The following SNX29 variants were observed in gnomAD, a reference collection of about 807,000 sequenced individuals.
SNX29 encodes sorting nexin 29, also known as sorting nexin-29.
A neutral mutation model predicts 102.1 loss-of-function variants in SNX29; 78 were observed. The observed-to-expected ratio is 0.76, with a 90% CI of 0.64 to 0.92. The LOEUF is 0.92. Ranked by LOEUF, SNX29 falls within the 40% of genes least tolerant of loss-of-function variation. The pLI, the probability that SNX29 is intolerant of heterozygous loss-of-function variation, is 0.00. For missense variants in SNX29, 1,280 were observed against 1,061.7 expected, an observed-to-expected ratio of 1.21 and a Z score of -2.86; for synonymous variants, 580 against 414.5, an observed-to-expected ratio of 1.40 and a Z score of -4.85.
chr16:11,996,667 C>T (rs2056085686), intron 1 of SNX29, among the ~76,000 whole-genome samples: 1 of 152,286 alleles, frequency 6.6e-6, no homozygotes, highest in Admixed American at 6.5e-5. Context: ...CGGGCTCACT[C>T]ATACTTGGAA....
chr16:12,283,721 G>C (rs2079506390), intron 15 of SNX29, among the ~76,000 whole-genome samples: 1 of 152,220 alleles, frequency 6.6e-6, no homozygotes, highest in African/African-American at 2.4e-5. Flanking sequence ...CGCAGTGCCT[G>C]TGTTTAGGGA....
At chr16:12,178,281 A>G (rs895540396) in intron 13 of SNX29, among the ~76,000 whole-genome samples, 12 of 152,008 alleles carry the variant, frequency 7.9e-5, no homozygotes, top group African/African-American at 2.9e-4. Context: ...TCCATTTGCT[A>G]TGATGTGGGG....
intron 15 of SNX29, among the ~76,000 whole-genome samples, chr16:12,308,568 G>A (rs1242045174): frequency 4.6e-5 from 7 of 152,102 alleles, no homozygotes; most frequent in Admixed American, 2.0e-4. Flanking sequence ...GCACTCCTCC[G>A]GAGTGCCTTC....
chr16:12,390,880 T>TAA (rs113993775), intron 16 of SNX29, among the ~76,000 whole-genome samples: 2 of 135,570 alleles, frequency 1.5e-5, no homozygotes. Context: ...GTTCAGTCTT[T>TAA]AAAAAAAAAA....
At chr16:12,031,682 A>G (rs1024825929) in intron 4 of SNX29, among the ~76,000 whole-genome samples, 8 of 151,832 alleles carry the variant, frequency 5.3e-5, no homozygotes, top group South Asian at 2.1e-4. Context: ...GCAGGTGCCT[A>G]TAGTCCCAGC....
chr16:12,562,047 T>G (rs1418351822), intron 20 of SNX29, among the ~76,000 whole-genome samples: 1 of 150,900 alleles, frequency 6.6e-6, no homozygotes, highest in African/African-American at 2.4e-5. Flanking sequence ...GATGGAATCA[T>G]CTGTGCCGTT....
intron 11 of SNX29, among the ~76,000 whole-genome samples, chr16:12,099,823 C>T (rs1026590291): frequency 6.6e-6 from 1 of 152,150 alleles, no homozygotes; most frequent in Non-Finnish European, 1.5e-5. Flanking sequence ...GCAGTGCCCT[C>T]ATGACTGCCT....
chr16:12,042,154 C>G (rs2049904627), intron 4 of SNX29, among the ~76,000 whole-genome samples: 1 of 152,104 alleles, frequency 6.6e-6, no homozygotes, highest in Non-Finnish European at 1.5e-5. Context: ...CCTCAGCCTG[C>G]CCGGTAGGTG....
chr16:12,331,123 TG>T (rs1446264617), intron 15 of SNX29, among the ~76,000 whole-genome samples: 1 of 152,222 alleles, frequency 6.6e-6, no homozygotes, highest in African/African-American at 2.4e-5. Flanking sequence ...AATCCTCTGC[TG>T]GTATGAGCTT....
At chr16:12,473,528 C>T (rs887946864) in intron 18 of SNX29, among the ~76,000 whole-genome samples, 6 of 152,178 alleles carry the variant, frequency 3.9e-5, no homozygotes, top group Non-Finnish European at 5.9e-5. Context: ...GCAGAGCAGC[C>T]TGCTGTTGTC....
At chr16:12,076,339 C>T (rs180904729) in intron 10 of SNX29, among the ~76,000 whole-genome samples, 16 of 148,314 alleles carry the variant, frequency 1.1e-4, no homozygotes, top group South Asian at 2.1e-4. Context: ...CTTACTCTGT[C>T]GCCCAGGCTG....
chr16:12,081,915 A>G (rs350258), intron 11 of SNX29: 75,704 of 152,446 alleles, frequency 0.5, 19,751 homozygotes, highest in African/African-American at 0.67. Context: ...ATACATTTTG[A>G]TGGTGAAAAC....
At chr16:12,018,885 G>C (rs981259594) in intron 3 of SNX29, among the ~76,000 whole-genome samples, 1 of 151,964 alleles carries the variant, frequency 6.6e-6, no homozygotes, top group African/African-American at 2.4e-5. Context: ...ACTGAGCCCG[G>C]CCTGGGGTAT....
intron 19 of SNX29, among the ~76,000 whole-genome samples, chr16:12,482,358 GTGATGCAAT>G (rs1205996065): frequency 6.6e-6 from 1 of 151,078 alleles, no homozygotes; most frequent in Admixed American, 6.6e-5. Flanking sequence ...CTAGAGTTCT[GTGATGCAAT>G]TGTAGCTCAC....
intron 16 of SNX29, among the ~76,000 whole-genome samples, chr16:12,386,240 T>C (rs537893613): frequency 3.1e-4 from 47 of 152,330 alleles, no homozygotes; most frequent in African/African-American, 9.4e-4. Context: ...TGGGGCCTCG[T>C]GTGCTGGTGC....
At chr16:12,465,687 C>A (rs2087018245) in intron 18 of SNX29, among the ~76,000 whole-genome samples, 1 of 151,970 alleles carries the variant, frequency 6.6e-6, no homozygotes, top group African/African-American at 2.4e-5. Flanking sequence ...TATTCAAGGT[C>A]TTCTGTGTTT....
chr16:12,038,173 C>A (rs563714345), intron 4 of SNX29, among the ~76,000 whole-genome samples: 1 of 152,266 alleles, frequency 6.6e-6, no homozygotes, highest in South Asian at 2.1e-4. Flanking sequence ...ATTTTTCCCT[C>A]ATAGCAATCC....
intron 16 of SNX29, among the ~76,000 whole-genome samples, chr16:12,359,955 C>G (rs1297563704): frequency 6.6e-6 from 1 of 152,104 alleles, no homozygotes; most frequent in Non-Finnish European, 1.5e-5. Flanking sequence ...TCCTGAGTAG[C>G]TGGGATTACA....
At position 12,571,363 on chromosome 16, in the gene SNX29, A is replaced by C. The variant is rs143813520; in HGVS notation, c.*2734A>C. The C allele has an allele frequency of 1.5e-3, 356 of 231,296 alleles. No homozygotes were observed. Among genetic ancestry groups the C allele is most frequent in the African/African-American group, 7.5e-3 (340 of 45,316 alleles). The allele number at this position is 231,296 out of a possible 1,614,324, so 14.3% of individuals were successfully genotyped here. A position where few individuals can be genotyped will look rare whatever the true frequency, so the allele number is the denominator to read the frequency against. On this transcript the variant is annotated 3_prime_UTR_variant, in exon 21 of 21. Coordinates refer to ENST00000566228, the MANE Select transcript of SNX29 (RefSeq NM_032167.5). ...TGAGGGCTAAGCCACGACCTTATCC[A>C]TGAGTGGCGAAGACACCCCTGAGGA...
Sources: allele counts gnomAD v4.1 joint callset (sites outside exome capture counted in the v4.1 genomes callset), GRCh38; gene constraint gnomAD v4.1.1; transcripts MANE v1.5; gene names NCBI Gene and HGNC (gene_info 2026-07-23, HGNC 2026-07-21).